Variants in GRID1 observed in about 807,000 individuals in gnomAD.
GRID1 encodes the protein glutamate receptor ionotropic, delta-1.
GRID1 carries 28 observed loss-of-function variants against 98.0 expected under a neutral mutation model. That is an observed-to-expected ratio of 0.29 (90% confidence interval 0.21 to 0.39). The LOEUF (loss-of-function observed/expected upper bound fraction) is 0.39, where lower values mean the gene tolerates loss of function less well. Among genes scored for constraint, GRID1 ranks in the 10% least tolerant of loss-of-function variants. The probability of loss-of-function intolerance (pLI) is 1.00; values close to 1 mark genes in which losing one functional copy is unlikely to be tolerated. For synonymous variants in GRID1, 553 were observed against 538.5 expected (o/e 1.03, Z -0.37); for missense variants, 1,111 against 1,340.5 (o/e 0.83, Z 2.67).
intron 8 of GRID1, among the ~76,000 whole-genome samples, chr10:85,752,528 G>A (rs572473644): frequency 6.6e-6 from 1 of 152,186 alleles, no homozygotes; most frequent in South Asian, 2.1e-4. Context: ...TAAATGTCTT[G>A]CCTGACTTGA....
At chr10:86,334,323 C>A (rs368249379) in intron 2 of GRID1, among the ~76,000 whole-genome samples, 2 of 152,166 alleles carry the variant, frequency 1.3e-5, no homozygotes, top group African/African-American at 4.8e-5. Flanking sequence ...TGAAGTGAAG[C>A]AGTTCCCAGA....
chr10:85,850,917 G>A (rs940580940), intron 8 of GRID1, among the ~76,000 whole-genome samples: 1 of 152,138 alleles, frequency 6.6e-6, no homozygotes, highest in African/African-American at 2.4e-5. Context: ...GACAACATAC[G>A]TACAATGCAC....
chr10:85,753,357 GCA>G (rs1310555682), intron 8 of GRID1, among the ~76,000 whole-genome samples: 1 of 152,204 alleles, frequency 6.6e-6, no homozygotes, highest in African/African-American at 2.4e-5. Context: ...GCACTGTCAA[GCA>G]CACAGCAGGC....
intron 2 of GRID1, among the ~76,000 whole-genome samples, chr10:86,277,697 T>C (rs1290026892): frequency 1.3e-5 from 2 of 151,406 alleles, no homozygotes; most frequent in Admixed American, 1.3e-4. Context: ...CCAAGGAATA[T>C]ACACAAAAGG....
chr10:86,140,830 T>G (rs1433393461), intron 3 of GRID1, among the ~76,000 whole-genome samples: 1 of 152,214 alleles, frequency 6.6e-6, no homozygotes, highest in Non-Finnish European at 1.5e-5. Flanking sequence ...ACACTTCCTG[T>G]GCAGGCCACC....
chr10:86,149,821 G>A (rs924398100), intron 3 of GRID1, among the ~76,000 whole-genome samples: 3 of 152,098 alleles, frequency 2.0e-5, no homozygotes, highest in African/African-American at 7.2e-5. Flanking sequence ...AAAATTCCGC[G>A]GTGTTTATCT....
At chr10:86,282,775 G>A (rs969760175) in intron 2 of GRID1, among the ~76,000 whole-genome samples, 3 of 151,898 alleles carry the variant, frequency 2.0e-5, no homozygotes, top group African/African-American at 7.3e-5. Context: ...ATGGCCCAAG[G>A]TCAGCCATTA....
At position 86,041,599 on chromosome 10, in the gene GRID1, T is replaced by G. The variant is rs376529715; in HGVS notation, c.726+97220A>C. Among the ~76,000 whole-genome samples the G allele has an allele frequency of 2.0e-5, 3 of 152,272 alleles. No individual in the cohort carries two copies. The East Asian group carries it at 5.8e-4, about 29-fold the overall frequency. On this transcript the variant is annotated intron_variant, in intron 4 of 15. Coordinates refer to ENST00000327946, the MANE Select transcript of GRID1 (RefSeq NM_017551.3). ...GTACAGGCTTGGGAGTCACTCTTCC[T>G]GGGTTCAAAGCCCAGTACCCCATCA...
intron 8 of GRID1, among the ~76,000 whole-genome samples, chr10:85,829,929 T>A (rs1036198682): frequency 2.6e-5 from 4 of 152,178 alleles, no homozygotes; most frequent in African/African-American, 9.7e-5. Flanking sequence ...GAACTACCAA[T>A]GGCATTCTTC....
intron 12 of GRID1, among the ~76,000 whole-genome samples, 173 bp downstream of exon 12, chr10:85,722,830 T>C (rs906673723): frequency 3.9e-5 from 6 of 152,196 alleles, no homozygotes; most frequent in African/African-American, 1.2e-4. Flanking sequence ...TAATTGTGCC[T>C]GAGATAAAAT....
At chr10:86,337,964 T>A (rs1004718046) in intron 2 of GRID1, among the ~76,000 whole-genome samples, 3 of 152,194 alleles carry the variant, frequency 2.0e-5, no homozygotes, top group Non-Finnish European at 4.4e-5. Flanking sequence ...TGCCTCGGCC[T>A]CCCGAAGTGC....
At chr10:86,101,034 G>A (rs1844288719) in intron 4 of GRID1, among the ~76,000 whole-genome samples, 1 of 152,116 alleles carries the variant, frequency 6.6e-6, no homozygotes, top group Admixed American at 6.5e-5. Flanking sequence ...TTAAGGAAGT[G>A]AGAGAGAAGG....
At chr10:86,070,984 C>A (rs1001160247) in intron 4 of GRID1, among the ~76,000 whole-genome samples, 1 of 152,238 alleles carries the variant, frequency 6.6e-6, no homozygotes, top group Non-Finnish European at 1.5e-5. Context: ...GCACCTCACC[C>A]TGACCCCAAG....
chr10:85,673,482 C>T (rs1452048052), intron 12 of GRID1, among the ~76,000 whole-genome samples: 2 of 152,160 alleles, frequency 1.3e-5, no homozygotes, highest in Non-Finnish European at 2.9e-5. Flanking sequence ...GCAAGTTTCA[C>T]TGTTGTCTCA....
chr10:85,673,411 T>C (rs1824919999), intron 12 of GRID1, among the ~76,000 whole-genome samples: 1 of 152,208 alleles, frequency 6.6e-6, no homozygotes, highest in South Asian at 2.1e-4. Flanking sequence ...AGTAAAATGG[T>C]ACCAAACAAC....
chr10:85,846,523 C>T (rs562948000), intron 8 of GRID1, among the ~76,000 whole-genome samples: 21 of 151,384 alleles, frequency 1.4e-4, no homozygotes, highest in African/African-American at 4.9e-4. Flanking sequence ...GACTGTGTCT[C>T]GAAAAGTAAT....
At chr10:86,335,789 C>T (rs1848213416) in intron 2 of GRID1, among the ~76,000 whole-genome samples, 1 of 152,220 alleles carries the variant, frequency 6.6e-6, no homozygotes, top group African/African-American at 2.4e-5. Flanking sequence ...GCTGGGACAA[C>T]ACTCTGAAAG....
chr10:85,662,291 G>A (rs756605696), intron 12 of GRID1, among the ~76,000 whole-genome samples: 1 of 152,188 alleles, frequency 6.6e-6, no homozygotes, highest in Non-Finnish European at 1.5e-5. Context: ...TCTCTGTACA[G>A]GTATTTCTGA....
chr10:86,207,655 G>A (rs1480926641), intron 2 of GRID1, among the ~76,000 whole-genome samples: 8 of 112,084 alleles, frequency 7.1e-5, no homozygotes, highest in Admixed American at 2.4e-4. Context: ...TTTTTGAGAC[G>A]GAGTTTCGCT....
Sources: allele counts gnomAD v4.1 joint callset (sites outside exome capture counted in the v4.1 genomes callset), GRCh38; gene constraint gnomAD v4.1.1; transcripts MANE v1.5; gene names NCBI Gene and HGNC (gene_info 2026-07-23, HGNC 2026-07-21).